The following NME7 variants were observed in gnomAD, a reference collection of about 807,000 sequenced individuals.
The protein encoded by NME7 is nucleoside diphosphate kinase 7.
A neutral mutation model predicts 49.1 loss-of-function variants in NME7; 41 were observed. That is an observed-to-expected ratio of 0.83 (90% confidence interval 0.65 to 1.08). The LOEUF (loss-of-function observed/expected upper bound fraction) is 1.08. Ranked by LOEUF, NME7 falls within the 50% of genes least tolerant of loss-of-function variation. The probability of loss-of-function intolerance (pLI) is 0.00; values close to 1 mark genes in which losing one functional copy is unlikely to be tolerated. For missense variants in NME7, 423 were observed against 463.4 expected (o/e 0.91, Z 0.80); for synonymous variants, 139 against 150.6 (o/e 0.92, Z 0.56).
intron 7 of NME7, among the ~76,000 whole-genome samples, chr1:169,260,229 T>C (rs1261311038): frequency 1.5e-5 from 2 of 133,470 alleles, no homozygotes; most frequent in Non-Finnish European, 3.5e-5. Context: ...ATTAATCCAT[T>C]CAAAAATCAA....
chr1:169,249,390 T>G lies in NME7; in HGVS notation c.755-11703A>C, dbSNP rs1019218185. Among the ~76,000 whole-genome samples, 3 of 152,124 alleles carry G rather than the reference T, an allele frequency of 2.0e-5. No homozygotes were observed. The East Asian group carries it at 5.8e-4, about 29-fold the overall frequency. On this transcript the variant is annotated intron_variant, in intron 7 of 11. Transcript: ENST00000367811. ...ATCCAGGAGTCTTTTGGAGGAGTAT[T>G]TAGGGTTTTCTAGGTATACAGTCAT...
intron 7 of NME7, among the ~76,000 whole-genome samples, chr1:169,257,009 G>A (rs1648970855): frequency 7.6e-6 from 1 of 130,844 alleles, no homozygotes; most frequent in South Asian, 2.4e-4. Flanking sequence ...GGTTACTGCT[G>A]TCTTTTTGTT....
rs1242700883 is a variant in NME7 at position 169,309,904 on chromosome 1, AAGAC to A, written c.389+62_389+65del. The A allele has an allele frequency of 8.3e-6, 8 of 961,694 alleles. No homozygotes were observed. The African/African-American group carries it at 1.0e-4, about 12-fold the overall frequency. 59.6% of individuals were successfully genotyped at this position (961,694 alleles called of 1,614,324 possible). On this transcript the variant is annotated intron_variant, in intron 4 of 11. Coordinates refer to ENST00000367811, the MANE Select transcript of NME7 (RefSeq NM_013330.5). ...TTTTTAATTTTAAACAATGACAAGAAAGACAGAAAATGATTTTTTAAAAAGGAAT... is the reference window on the plus strand; with the variant it reads ...TTTTTAATTTTAAACAATGACAAGAAAGAAAATGATTTTTTAAAAAGGAAT...
At chr1:169,258,190 A>G (rs1259960024) in intron 7 of NME7, among the ~76,000 whole-genome samples, 2 of 127,194 alleles carry the variant, frequency 1.6e-5, no homozygotes, top group African/African-American at 5.3e-5. Context: ...ATAAGAAATT[A>G]GCTAGGTGTT....
chr1:169,192,094 G>A (rs1246552899), intron 10 of NME7, among the ~76,000 whole-genome samples: 1 of 152,206 alleles, frequency 6.6e-6, no homozygotes, highest in Non-Finnish European at 1.5e-5. Context: ...AAGGTGTAAA[G>A]AGACTTCTCT....
In NME7 at chr1:169,303,167, G is replaced by A. The variant is rs777309774; in HGVS notation, c.418C>T (p.His140Tyr). The change falls in exon 5 of 12, where the codon CAC (histidine) becomes TAC (tyrosine). Residue 140 changes from histidine to tyrosine, a missense_variant. His to Tyr is a moderately conservative substitution (Grantham distance 83, BLOSUM62 2). Transcript: ENST00000367811. ...TACTTGAAAAAGGGTCTTGACTGGT[G>A]ATCTACATGAAAATCCAATGCTTCT... ...RKEALDFHVD[H>Y]QSRPFFNELI... 12 of 1,566,894 alleles carry A rather than the reference G, an allele frequency of 7.7e-6. No individual in the cohort carries two copies. Among genetic ancestry groups the A allele is most frequent in the Admixed American group, 7.2e-5 (4 of 55,322 alleles).
At chr1:169,231,408 T>C (rs1206974504) in intron 9 of NME7, among the ~76,000 whole-genome samples, 1 of 152,120 alleles carries the variant, frequency 6.6e-6, no homozygotes, top group African/African-American at 2.4e-5. Context: ...GTAGACCAGG[T>C]AGAGGAAACA....
chr1:169,172,302 A>C (rs1659621985), intron 10 of NME7, among the ~76,000 whole-genome samples: 1 of 151,218 alleles, frequency 6.6e-6, no homozygotes, highest in Non-Finnish European at 1.5e-5. Context: ...AAAAAAACAA[A>C]CCCACAAAAA....
At chr1:169,232,633 G>A (rs956880319) in intron 9 of NME7, among the ~76,000 whole-genome samples, 4 of 151,808 alleles carry the variant, frequency 2.6e-5, no homozygotes, top group Non-Finnish European at 5.9e-5. Flanking sequence ...ACCAAAAAAT[G>A]TAAATCTGTA....
intron 6 of NME7, among the ~76,000 whole-genome samples, chr1:169,288,732 C>T (rs1650375459): frequency 6.6e-6 from 1 of 152,148 alleles, no homozygotes; most frequent in African/African-American, 2.4e-5. Context: ...AACTGCCTTT[C>T]TATCATATTG....
At chr1:169,179,620 C>T (rs2101746523) in intron 10 of NME7, among the ~76,000 whole-genome samples, 1 of 152,264 alleles carries the variant, frequency 6.6e-6, no homozygotes, top group African/African-American at 2.4e-5. Context: ...GAATACTATG[C>T]AGCCATAAAA....
At chr1:169,160,851 GTC>G (rs771202441) in intron 11 of NME7, among the ~76,000 whole-genome samples, 50 of 152,170 alleles carry the variant, frequency 3.3e-4, no homozygotes, top group Admixed American at 5.9e-4. Flanking sequence ...CATCCAATTA[GTC>G]TCTGAGGCTT....
intron 11 of NME7, 66 bp downstream of exon 11, chr1:169,169,381 A>T: frequency 1.4e-6 from 2 of 1,424,316 alleles, no homozygotes; most frequent in South Asian, 1.2e-5. Context: ...TTTCTTACAC[A>T]TCAGAACTCC....
At chr1:169,169,936 A>G (rs1374263460) in intron 10 of NME7, among the ~76,000 whole-genome samples, 6 of 152,222 alleles carry the variant, frequency 3.9e-5, no homozygotes, top group Non-Finnish European at 1.5e-5. Context: ...CATCTTTAAG[A>G]GAAAAAATAT....
chr1:169,206,225 G>T (rs540350780), intron 10 of NME7, among the ~76,000 whole-genome samples: 1 of 152,048 alleles, frequency 6.6e-6, no homozygotes, highest in Non-Finnish European at 1.5e-5. Flanking sequence ...TTTATTGTTT[G>T]TTCTTTTGCC....
chr1:169,327,464 T>G (rs1166868947), intron 1 of NME7, among the ~76,000 whole-genome samples: 1 of 152,190 alleles, frequency 6.6e-6, no homozygotes, highest in African/African-American at 2.4e-5. Context: ...AAAATGTGTA[T>G]TATTATACCA....
chr1:169,203,782 A>G (rs576600515), intron 10 of NME7, among the ~76,000 whole-genome samples: 1 of 152,238 alleles, frequency 6.6e-6, no homozygotes, highest in Admixed American at 6.5e-5. Flanking sequence ...GGGAAGGCTA[A>G]TGATGGTTAG....
At chr1:169,220,865 T>C (rs566113471) in intron 10 of NME7, among the ~76,000 whole-genome samples, 1 of 152,184 alleles carries the variant, frequency 6.6e-6, no homozygotes. Context: ...GTAATAGAAA[T>C]GCTTGGCACA....
chr1:169,190,558 T>C (rs1468288359), intron 10 of NME7: 3 of 352,032 alleles, frequency 8.5e-6, no homozygotes, highest in African/African-American at 2.3e-5. Flanking sequence ...GTAATAAACA[T>C]GGACTACTTT....
Sources: allele counts gnomAD v4.1 joint callset (sites outside exome capture counted in the v4.1 genomes callset), GRCh38; gene constraint gnomAD v4.1.1; transcripts MANE v1.5; gene names NCBI Gene and HGNC (gene_info 2026-07-23, HGNC 2026-07-21).